DCAF8L2: variants seen among roughly 807,000 people sequenced by gnomAD.
The protein encoded by DCAF8L2 is DDB1- and CUL4-associated factor 8-like protein 2.
For missense variants in DCAF8L2, 430 were observed against 490.7 expected (o/e 0.88, Z 1.17); for synonymous variants, 200 against 190.9 (o/e 1.05, Z -0.39).
chrX:27,529,826 C>T, the DCAF8L2 span, among the ~76,000 whole-genome samples: 4 of 111,699 alleles, frequency 3.6e-5, no homozygotes, highest in Non-Finnish European at 7.5e-5. Flanking sequence ...AAAGAAACTC[C>T]CTTCAGCTAA....
intron 3 of DCAF8L2, among the ~76,000 whole-genome samples, chrX:27,715,856 G>A (rs1467855370): frequency 3.6e-5 from 4 of 111,849 alleles, no homozygotes; most frequent in Non-Finnish European, 7.5e-5. Flanking sequence ...ATTAATGATA[G>A]TCCTTTCTTC....
At chrX:27,715,994 G>A (rs1931688542) in intron 3 of DCAF8L2, 94 bp from the exon 4 acceptor site, 1 of 112,078 alleles carries the variant, frequency 8.9e-6, no homozygotes, top group Non-Finnish European at 1.9e-5. Context: ...CATCAGTATT[G>A]GACAAACTAA....
intron 2 of DCAF8L2, among the ~76,000 whole-genome samples, chrX:27,656,065 GA>G (rs1388658622): frequency 1.8e-5 from 2 of 111,755 alleles, no homozygotes; most frequent in African/African-American, 6.5e-5. Context: ...CCTTCTGAGA[GA>G]TGCAGCAGAA....
intron 4 of DCAF8L2, among the ~76,000 whole-genome samples, chrX:27,726,492 C>T (rs1293325695): frequency 9.0e-6 from 1 of 110,599 alleles, no homozygotes; most frequent in Non-Finnish European, 1.9e-5. Flanking sequence ...ATGTGTAGAG[C>T]ATTAGTTATT....
chrX:27,539,908 C>G, the DCAF8L2 span, among the ~76,000 whole-genome samples: 35 of 110,843 alleles, frequency 3.2e-4, no homozygotes, highest in African/African-American at 1.1e-3. Context: ...GTGTTAGTTC[C>G]TTTAGGCTAT....
the DCAF8L2 span, among the ~76,000 whole-genome samples, chrX:27,493,224 C>A: frequency 9.0e-6 from 1 of 111,181 alleles, no homozygotes; most frequent in Non-Finnish European, 1.9e-5. Flanking sequence ...CTGGGTGACA[C>A]AGCAAGACCC....
intron 3 of DCAF8L2, among the ~76,000 whole-genome samples, chrX:27,710,500 C>T (rs1931489783): frequency 9.0e-6 from 1 of 111,194 alleles, no homozygotes; most frequent in Admixed American, 9.6e-5. Context: ...TTCTGTCTTT[C>T]GTGTCTTTTG....
intron 3 of DCAF8L2, among the ~76,000 whole-genome samples, chrX:27,683,482 C>T (rs751604119): frequency 8.9e-6 from 1 of 112,469 alleles, no homozygotes; most frequent in Non-Finnish European, 1.9e-5. Flanking sequence ...ACAGTAGTAA[C>T]GAAGCCCTTT....
At chrX:27,519,683 TAACAG>T in the DCAF8L2 span, 2 of 595,202 alleles carry the variant, frequency 3.4e-6, no homozygotes, top group Admixed American at 4.5e-5. Flanking sequence ...GAAGAACGTG[TAACAG>T]AAACACAGAA....
At chrX:27,721,480 A>G (rs2147298648) in intron 4 of DCAF8L2, among the ~76,000 whole-genome samples, 1 of 111,820 alleles carries the variant, frequency 8.9e-6, no homozygotes, top group Non-Finnish European at 1.9e-5. Flanking sequence ...AAATGGACAT[A>G]ATTCACCTAA....
intron 1 of DCAF8L2, among the ~76,000 whole-genome samples, chrX:27,620,715 T>A (rs1216964419): frequency 8.9e-6 from 1 of 112,148 alleles, no homozygotes; most frequent in Non-Finnish European, 1.9e-5. Flanking sequence ...CACTTGTACA[T>A]TTTTGGTGAT....
intron 2 of DCAF8L2, among the ~76,000 whole-genome samples, chrX:27,677,609 G>A (rs1183998053): frequency 3.6e-5 from 4 of 111,312 alleles, no homozygotes; most frequent in African/African-American, 1.3e-4. Flanking sequence ...ATCAGGCAGG[G>A]GTTTGTGAGA....
chrX:27,640,023 G>C (rs765663065), intron 2 of DCAF8L2, among the ~76,000 whole-genome samples: 10 of 111,296 alleles, frequency 9.0e-5, no homozygotes, highest in Non-Finnish European at 1.9e-4. Flanking sequence ...TGTCATGTTG[G>C]TGTGCTGCAC....
intron 1 of DCAF8L2, among the ~76,000 whole-genome samples, chrX:27,598,046 A>G (rs1926439137): frequency 8.9e-6 from 1 of 112,560 alleles, no homozygotes; most frequent in African/African-American, 3.2e-5. Flanking sequence ...CATATAAATT[A>G]TTAATTATAC....
At chrX:27,498,227 T>C in the DCAF8L2 span, among the ~76,000 whole-genome samples, 1 of 112,306 alleles carries the variant, frequency 8.9e-6, no homozygotes, top group African/African-American at 3.2e-5. Flanking sequence ...GTAGTTCTAT[T>C]TTTAATTTTT....
chrX:27,565,681 C>T, the DCAF8L2 span, among the ~76,000 whole-genome samples: 4 of 111,523 alleles, frequency 3.6e-5, no homozygotes, highest in Admixed American at 2.9e-4. Flanking sequence ...GAAGCAGTCT[C>T]ATTGTCTGAG....
intron 3 of DCAF8L2, among the ~76,000 whole-genome samples, chrX:27,702,551 C>T (rs1459222009): frequency 1.1e-4 from 12 of 110,477 alleles, no homozygotes; most frequent in Non-Finnish European, 1.9e-4. Context: ...GGTTTATCAT[C>T]TAAGAAGCAA....
chrX:27,666,209 G>A (rs1929737176), intron 2 of DCAF8L2, among the ~76,000 whole-genome samples: 1 of 111,941 alleles, frequency 8.9e-6, no homozygotes, highest in South Asian at 3.7e-4. Context: ...GTAAAAATAA[G>A]AAACCAGTCT....
At chrX:27,512,738 T>TGTAAATGC in the DCAF8L2 span, among the ~76,000 whole-genome samples, 1 of 62,441 alleles carries the variant, frequency 1.6e-5, no homozygotes. Flanking sequence ...AAAATTCATG[T>TGTAAATGC]GTAAATGCAA....
Sources: gnomAD v4.1 joint callset for allele counts (sites outside exome capture counted in the v4.1 genomes callset) on GRCh38, gnomAD v4.1.1 for gene constraint, MANE v1.5 for transcripts, NCBI Gene and HGNC (gene_info 2026-07-23, HGNC 2026-07-21) for gene names.